The following CERKL variants were observed in gnomAD, a reference collection of about 807,000 sequenced individuals.
The protein encoded by CERKL is CERK like autophagy regulator, also known as ceramide kinase-like protein.
In CERKL, 61 loss-of-function variants were observed where a neutral mutation model predicts 63.4. The observed-to-expected ratio is 0.96, with a 90% CI of 0.78 to 1.19. CERKL has a LOEUF of 1.19. CERKL is among the 50% of genes most tolerant of loss of function. The pLI, the probability that CERKL is intolerant of heterozygous loss-of-function variation, is 0.00. For missense variants in CERKL, 675 were observed against 655.5 expected, an observed-to-expected ratio of 1.03 and a Z score of -0.33; for synonymous variants, 250 against 230.5, an observed-to-expected ratio of 1.08 and a Z score of -0.77.
intron 1 of CERKL, among the ~76,000 whole-genome samples, chr2:181,620,386 G>A (rs758286635): frequency 5.3e-5 from 8 of 152,084 alleles, no homozygotes; most frequent in South Asian, 2.1e-4. Flanking sequence ...TGAGGATATC[G>A]CACAGCCCTC....
intron 3 of CERKL, among the ~76,000 whole-genome samples, chr2:181,572,779 G>GTTTT (rs1688963260): frequency 1.2e-5 from 1 of 82,648 alleles, no homozygotes; most frequent in East Asian, 3.3e-4. Context: ...TACAAAACTT[G>GTTTT]CTTTTTTTTT....
At chr2:181,651,365 A>G (rs924345587) in intron 1 of CERKL, among the ~76,000 whole-genome samples, 1 of 152,218 alleles carries the variant, frequency 6.6e-6, no homozygotes, top group Admixed American at 6.5e-5. Flanking sequence ...GCATGCAAGA[A>G]TGGTTTAACA....
intron 1 of CERKL, 29 bp downstream of exon 1, chr2:181,656,740 G>A: frequency 1.3e-6 from 2 of 1,552,544 alleles, no homozygotes; most frequent in East Asian, 2.4e-5. Context: ...CGCGGAGGGA[G>A]GCGAAGACGC....
At chr2:181,546,250 T>C (rs1687722140) in intron 10 of CERKL, among the ~76,000 whole-genome samples, 1 of 152,154 alleles carries the variant, frequency 6.6e-6, no homozygotes, top group Admixed American at 6.5e-5. Flanking sequence ...GGAGTGGCTT[T>C]GAAGGAGCTA....
intron 5 of CERKL, among the ~76,000 whole-genome samples, chr2:181,555,336 G>A (rs575510338): frequency 6.6e-6 from 1 of 152,140 alleles, no homozygotes; most frequent in South Asian, 2.1e-4. Context: ...CTAAAGTAAA[G>A]CAAAAAGGTC....
At chr2:181,609,787 T>C (rs1685885954) in intron 1 of CERKL, among the ~76,000 whole-genome samples, 1 of 152,026 alleles carries the variant, frequency 6.6e-6, no homozygotes, top group Non-Finnish European at 1.5e-5. Context: ...AATAGAAGTA[T>C]CTAGGAATAG....
chr2:181,549,776 T>G (rs1342077870), intron 5 of CERKL, 68 bp from the exon 6 acceptor site: 1 of 975,674 alleles, frequency 1.0e-6, no homozygotes, highest in Non-Finnish European at 1.7e-6. Context: ...TTGCTTTTAC[T>G]TTATGTAGAT....
chr2:181,603,726 A>G (rs749128712), intron 2 of CERKL, 111 bp downstream of exon 2: 1 of 1,095,640 alleles, frequency 9.1e-7, no homozygotes, highest in Non-Finnish European at 1.4e-6. Flanking sequence ...CTAGGAACAG[A>G]AGGAAACTAT....
At chr2:181,638,909 C>T (rs1001811214) in intron 1 of CERKL, among the ~76,000 whole-genome samples, 2 of 152,102 alleles carry the variant, frequency 1.3e-5, no homozygotes, top group African/African-American at 2.4e-5. Flanking sequence ...AGAGTGATGG[C>T]CATCCCAGTC....
chr2:181,571,576 A>G (rs1225113169), intron 3 of CERKL, among the ~76,000 whole-genome samples: 1 of 151,934 alleles, frequency 6.6e-6, no homozygotes, highest in East Asian at 1.9e-4. Flanking sequence ...CAGTATGATA[A>G]AAAAAAATTT....
At chr2:181,651,984 T>C (rs368898116) in intron 1 of CERKL, among the ~76,000 whole-genome samples, 2 of 152,022 alleles carry the variant, frequency 1.3e-5, no homozygotes, top group African/African-American at 2.4e-5. Context: ...GTATAAAACT[T>C]TGATGAAAGA....
At chr2:181,624,228 C>T (rs1237958686) in intron 1 of CERKL, among the ~76,000 whole-genome samples, 1 of 152,088 alleles carries the variant, frequency 6.6e-6, no homozygotes, top group East Asian at 1.9e-4. Flanking sequence ...CTAATGTACA[C>T]TTTAAAATTA....
intron 1 of CERKL, among the ~76,000 whole-genome samples, chr2:181,622,342 C>G (rs902668046): frequency 2.0e-5 from 3 of 152,144 alleles, no homozygotes; most frequent in African/African-American, 7.2e-5. Flanking sequence ...GCCTCTGTGG[C>G]AGAAGAGGCA....
At chr2:181,634,482 A>AT (rs1687092738) in intron 1 of CERKL, among the ~76,000 whole-genome samples, 1 of 152,116 alleles carries the variant, frequency 6.6e-6, no homozygotes, top group Non-Finnish European at 1.5e-5. Flanking sequence ...CAGTGGTCTC[A>AT]TTAAGGTGAA....
At position 181,616,206 on chromosome 2, in the gene CERKL, A is replaced by ATTTTTT. The variant is rs35040208; in HGVS notation, c.239-12133_239-12128dup. On this transcript the variant is annotated intron_variant, in intron 1 of 12. Coordinates refer to ENST00000410087, the MANE Select transcript of CERKL (RefSeq NM_201548.5). ...ATCAATGAAACAGTCAAAAATCTAA[A>ATTTTTT]TTTTTTTTTTTTTTTTTTTTTTTTT... 4.2e-3 allele frequency among the ~76,000 whole-genome samples: 460 copies of ATTTTTT among 110,042 alleles called. 15 individuals are homozygous for ATTTTTT. Among genetic ancestry groups the ATTTTTT allele is most frequent in the African/African-American group, 0.016 (413 of 25,832 alleles). 72.2% of individuals were successfully genotyped at this position (110,042 alleles called of 152,430 possible). A position where few individuals can be genotyped will look rare whatever the true frequency, so the allele number is the denominator to read the frequency against.
At chr2:181,639,849 T>C (rs1415474413) in intron 1 of CERKL, among the ~76,000 whole-genome samples, 1 of 152,208 alleles carries the variant, frequency 6.6e-6, no homozygotes, top group Non-Finnish European at 1.5e-5. Flanking sequence ...CAAGATAAGA[T>C]ACTTAGCACA....
intron 10 of CERKL, among the ~76,000 whole-genome samples, chr2:181,546,847 TG>T (rs1687745641): frequency 6.6e-6 from 1 of 152,350 alleles, no homozygotes; most frequent in African/African-American, 2.4e-5. Flanking sequence ...AGAACTGAAA[TG>T]TTTCTTTTGA....
chr2:181,644,656 T>G (rs747236136), intron 1 of CERKL, among the ~76,000 whole-genome samples: 1 of 152,132 alleles, frequency 6.6e-6, no homozygotes, highest in East Asian at 1.9e-4. Flanking sequence ...AATCCTGGAA[T>G]AACGCAAAGT....
Position 181,547,953 on chromosome 2 carries a change from T to C in CERKL, c.1134-106A>G, listed in dbSNP as rs949340312. ...ATGAGAAAATTAGAGAACTCATCAT[T>C]ATATATGTTAAATACTTTCTTCAAT... is the stretch of plus-strand genomic sequence containing the variant. On this transcript the variant is annotated intron_variant, in intron 8 of 12. Transcript: ENST00000410087. 19 of 1,094,400 alleles carry C rather than the reference T, an allele frequency of 1.7e-5. No individual in the cohort carries two copies. The African/African-American group carries it at 2.7e-4, about 16-fold the overall frequency. The allele number at this position is 1,094,400 out of a possible 1,614,324, so 67.8% of individuals were successfully genotyped here. A position where few individuals can be genotyped will look rare whatever the true frequency, so the allele number is the denominator to read the frequency against.
Sources: gnomAD v4.1 joint callset for allele counts (sites outside exome capture counted in the v4.1 genomes callset) on GRCh38, gnomAD v4.1.1 for gene constraint, MANE v1.5 for transcripts, NCBI Gene and HGNC (gene_info 2026-07-23, HGNC 2026-07-21) for gene names.